Variants in ARHGAP25 observed in about 807,000 individuals in gnomAD.
The protein encoded by ARHGAP25 is Rho GTPase activating protein 25, also known as rho GTPase-activating protein 25.
ARHGAP25 carries 34 observed loss-of-function variants against 71.0 expected under a neutral mutation model. The observed-to-expected ratio is 0.48, with a 90% confidence interval of 0.36 to 0.64. The LOEUF (loss-of-function observed/expected upper bound fraction) is 0.64, where lower values mean the gene tolerates loss of function less well. ARHGAP25 is among the 30% of genes least tolerant of loss of function. The pLI is 0.00. For synonymous variants in ARHGAP25, 282 were observed against 296.5 expected, an observed-to-expected ratio of 0.95 and a Z score of 0.50; for missense variants, 706 against 805.1, an observed-to-expected ratio of 0.88 and a Z score of 1.49.
intron 2 of ARHGAP25, among the ~76,000 whole-genome samples, chr2:68,728,811 C>T (rs1478846582): frequency 6.6e-6 from 1 of 152,140 alleles, no homozygotes; most frequent in Admixed American, 6.5e-5. Flanking sequence ...TTCATAGCAT[C>T]ATTTTTCATA....
At position 68,734,949 on chromosome 2, in the gene ARHGAP25, TG is replaced by T. The variant is rs1258571990; in HGVS notation, c.-250del. 1.7e-6 allele frequency: 1 copy of T among 578,188 alleles called. No homozygotes were observed. The highest frequency in any genetic ancestry group is 3.2e-5 in the Admixed American group (1 of 31,734). The allele number at this position is 578,188 out of a possible 1,614,324, so 35.8% of individuals were successfully genotyped here. ...GCAAGAAAAGCAGGGTGCTAGCCCC[TG>T]TGGGACTGAGGGTGGAGGCTGGGGG... is the stretch of plus-strand genomic sequence containing the variant. On this transcript the variant is annotated 5_prime_UTR_variant, in exon 1 of 11. Coordinates refer to ENST00000409202, the MANE Select transcript of ARHGAP25 (RefSeq NM_001007231.3).
At chr2:68,820,968 T>C (rs1467455287) in intron 9 of ARHGAP25, among the ~76,000 whole-genome samples, 5 of 152,198 alleles carry the variant, frequency 3.3e-5, no homozygotes, top group Admixed American at 3.3e-4. Context: ...GACTTTTTCA[T>C]GTCAATACAT....
chr2:68,735,176 C>T lies in ARHGAP25; in HGVS notation c.-24C>T. ...TGTGACAGACTCACCGCTTCACTAA[C>T]TACTCACTTAAACTGGAAGCAAAAT... On this transcript the variant is annotated 5_prime_UTR_variant, in exon 1 of 11. Transcript: ENST00000409202. 1 of 1,603,180 alleles carries T rather than the reference C, an allele frequency of 6.2e-7. No homozygotes were observed. The highest frequency in any genetic ancestry group is 8.5e-7 in the Non-Finnish European group (1 of 1,170,078).
At chr2:68,816,650 G>T (rs966102891) in intron 7 of ARHGAP25, 2 of 304,538 alleles carry the variant, frequency 6.6e-6, no homozygotes, top group East Asian at 1.4e-4. Context: ...TTTCTAGAAT[G>T]ATCTCCCATC....
intron 1 of ARHGAP25, among the ~76,000 whole-genome samples, chr2:68,740,558 C>T (rs1440931386): frequency 6.6e-6 from 1 of 152,144 alleles, no homozygotes; most frequent in Non-Finnish European, 1.5e-5. Context: ...CCAGTTCCTA[C>T]CCATGCTTTG....
intron 2 of ARHGAP25, among the ~76,000 whole-genome samples, chr2:68,776,507 A>T (rs924432887): frequency 6.6e-6 from 1 of 152,222 alleles, no homozygotes; most frequent in East Asian, 1.9e-4. Flanking sequence ...GCTTCTGGAT[A>T]TACTTTGAAA....
chr2:68,737,015 A>C (rs1211340513), intron 1 of ARHGAP25, among the ~76,000 whole-genome samples: 1 of 152,162 alleles, frequency 6.6e-6, no homozygotes, highest in African/African-American at 2.4e-5. Context: ...TTCAGCCAAC[A>C]AAAACAAGCA....
intron 5 of ARHGAP25, among the ~76,000 whole-genome samples, chr2:68,808,044 G>A (rs563577824): frequency 6.6e-6 from 1 of 152,242 alleles, no homozygotes; most frequent in Non-Finnish European, 1.5e-5. Context: ...CCTAAGTGTG[G>A]AGGTCTCCCA....
At chr2:68,793,462 G>A (rs571685511) in intron 4 of ARHGAP25, among the ~76,000 whole-genome samples, 1 of 152,240 alleles carries the variant, frequency 6.6e-6, no homozygotes, top group South Asian at 2.1e-4. Context: ...TATGGTGAGA[G>A]ATAGGGCTCC....
At chr2:68,807,192 AC>A in intron 4 of ARHGAP25, 80 bp from the exon 5 acceptor site, 1 of 1,394,020 alleles carries the variant, frequency 7.2e-7, no homozygotes, top group Non-Finnish European at 1.0e-6. Context: ...CTGTGAAGAC[AC>A]AGGTGACACA....
At chr2:68,712,902 G>A (rs1328985128) in intron 2 of ARHGAP25, among the ~76,000 whole-genome samples, 1 of 152,110 alleles carries the variant, frequency 6.6e-6, no homozygotes, top group Non-Finnish European at 1.5e-5. Context: ...TGTTGTTTTG[G>A]TTACTGTAGC....
At chr2:68,817,748 C>T (rs1681336935) in intron 7 of ARHGAP25, 125 bp from the exon 8 acceptor site, 2 of 1,197,922 alleles carry the variant, frequency 1.7e-6, no homozygotes, top group Non-Finnish European at 1.2e-6. Flanking sequence ...GCAGAGCAGG[C>T]TGGTCTCATT....
chr2:68,755,205 T>G (rs994073612), intron 1 of ARHGAP25, among the ~76,000 whole-genome samples: 1 of 152,190 alleles, frequency 6.6e-6, no homozygotes, highest in Non-Finnish European at 1.5e-5. Flanking sequence ...CATTTTCTTT[T>G]ATTTTTTCTC....
chr2:68,724,765 C>G (rs1674844628), intron 2 of ARHGAP25, among the ~76,000 whole-genome samples: 1 of 152,204 alleles, frequency 6.6e-6, no homozygotes, highest in Non-Finnish European at 1.5e-5. Flanking sequence ...TTTCCCATCT[C>G]AGCAAACGGG....
At chr2:68,736,532 G>A (rs1675230096) in intron 1 of ARHGAP25, among the ~76,000 whole-genome samples, 1 of 152,146 alleles carries the variant, frequency 6.6e-6, no homozygotes, top group Admixed American at 6.5e-5. Context: ...CTCCACCTAT[G>A]TTTGAACACA....
chr2:68,730,500 A>T (rs1196678012), upstream of ARHGAP25, among the ~76,000 whole-genome samples: 2 of 152,032 alleles, frequency 1.3e-5, no homozygotes, highest in Non-Finnish European at 2.9e-5. Context: ...TTTTTAAAAA[A>T]TTAGCCGGGC....
intron 1 of ARHGAP25, among the ~76,000 whole-genome samples, chr2:68,736,980 AAATATTTGTTGGCTG>A (rs748384543): frequency 2.0e-5 from 3 of 152,114 alleles, no homozygotes; most frequent in Non-Finnish European, 4.4e-5. Context: ...GGCACACAAT[AAATATTTGTTGGCTG>A]AATGAATGCT....
At chr2:68,753,292 C>G (rs1374256835) in intron 1 of ARHGAP25, among the ~76,000 whole-genome samples, 1 of 152,160 alleles carries the variant, frequency 6.6e-6, no homozygotes, top group African/African-American at 2.4e-5. Context: ...AAGACTAGAT[C>G]CCAGAGCTCC....
chr2:68,825,806 A>T (rs1048376035), intron 10 of ARHGAP25, among the ~76,000 whole-genome samples, 181 bp from the exon 11 acceptor site: 4 of 152,042 alleles, frequency 2.6e-5, no homozygotes, highest in Admixed American at 1.3e-4. Context: ...AGGGGCTCAG[A>T]AGTACTGTGG....
Sources: allele counts gnomAD v4.1 joint callset (sites outside exome capture counted in the v4.1 genomes callset), GRCh38; gene constraint gnomAD v4.1.1; transcripts MANE v1.5; gene names NCBI Gene and HGNC (gene_info 2026-07-23, HGNC 2026-07-21).